The following RUNDC1 variants were observed in gnomAD, a reference collection of about 807,000 sequenced individuals.
RUNDC1 encodes RUN domain containing 1, also known as RUN domain-containing protein 1.
RUNDC1 carries 31 observed loss-of-function variants against 49.3 expected under a neutral mutation model. That is an observed-to-expected ratio of 0.63 (90% CI 0.47 to 0.85). The LOEUF (loss-of-function observed/expected upper bound fraction) is 0.85. RUNDC1 is among the 40% of genes least tolerant of loss of function. The pLI is 0.00. For synonymous variants in RUNDC1, 347 were observed against 348.6 expected, an observed-to-expected ratio of 1.00 and a Z score of 0.05; for missense variants, 715 against 806.7, an observed-to-expected ratio of 0.89 and a Z score of 1.38.
chr17:42,987,551 A>G (rs1317732656), intron 2 of RUNDC1, 137 bp downstream of exon 2: 1 of 749,378 alleles, frequency 1.3e-6, no homozygotes, highest in Non-Finnish European at 2.1e-6. Context: ...ATCAAAGGGA[A>G]ATTTTACTGC....
chr17:42,984,074 A>G (rs2050138189), intron 1 of RUNDC1, among the ~76,000 whole-genome samples: 1 of 151,516 alleles, frequency 6.6e-6, no homozygotes, highest in South Asian at 2.1e-4. Context: ...GGCTCAATCC[A>G]TCCTCCCAGC....
rs2045503323 is a variant in RUNDC1 at position 42,991,962 on chromosome 17, C to G, written c.*246C>G. ...GGGCGCGGTGGCTCACACCTGTAAT[C>G]CCAGCACTTTGGGAGGCCGAGGCGG... On this transcript the variant is annotated 3_prime_UTR_variant, in exon 5 of 5. Coordinates refer to ENST00000361677, the MANE Select transcript of RUNDC1 (RefSeq NM_173079.5). 2.1e-6 allele frequency: 1 copy of G among 469,292 alleles called. No homozygotes were observed. Among genetic ancestry groups the G allele is most frequent in the African/African-American group, 2.0e-5 (1 of 50,932 alleles). The allele number at this position is 469,292 out of a possible 1,614,324, so 29.1% of individuals were successfully genotyped here. A position where few individuals can be genotyped will look rare whatever the true frequency, so the allele number is the denominator to read the frequency against.
chr17:42,988,256 A>ATTT (rs35256791), intron 2 of RUNDC1, among the ~76,000 whole-genome samples: 16 of 146,998 alleles, frequency 1.1e-4, no homozygotes, highest in Middle Eastern at 3.4e-3. Context: ...ACGATATCAG[A>ATTT]TTTTTTTTTT....
chr17:42,985,793 A>G, intron 1 of RUNDC1: 4 of 586,740 alleles, frequency 6.8e-6, no homozygotes, highest in Non-Finnish European at 8.6e-6. Context: ...CCAGTGTTTG[A>G]GAATACGTTG....
chr17:42,980,706 G>C lies in RUNDC1; in HGVS notation c.130G>C (p.Gly44Arg), dbSNP rs759031445. 6.4e-7 allele frequency: 1 copy of C among 1,557,988 alleles called. No individual in the cohort carries two copies. Among genetic ancestry groups the C allele is most frequent in the Non-Finnish European group, 8.7e-7 (1 of 1,155,306 alleles). ...PCEAVRWAPV[G>R]AVAEARPGAT... ...CGAGGCGGTGCGCTGGGCCCCAGTG[G>C]GGGCGGTGGCGGAGGCCCGGCCTGG... The change falls in exon 1 of 5, where the codon GGG becomes CGG. Residue 44 changes from glycine to arginine, a missense_variant. Coordinates refer to ENST00000361677, the MANE Select transcript of RUNDC1 (RefSeq NM_173079.5).
Position 42,980,791 on chromosome 17 carries a change from C to G in RUNDC1, c.215C>G (p.Pro72Arg), listed in dbSNP as rs974858698. 7.1e-7 allele frequency: 1 copy of G among 1,402,332 alleles called. No homozygotes were observed. The highest frequency in any genetic ancestry group is 3.5e-5 in the Admixed American group (1 of 28,252). The allele number at this position is 1,402,332 out of a possible 1,614,324, so 86.9% of individuals were successfully genotyped here. ...AEEPGAAPGS[P>R]PDSPGRTLRR... ...GAGCCTGGCGCGGCCCCGGGCTCCC[C>G]GCCGGATTCGCCGGGCCGGACGCTG... The change falls in exon 1 of 5, where the codon CCG (proline) becomes CGG (arginine). Residue 72 changes from proline to arginine, a missense_variant. By Grantham distance (103) the Pro-to-Arg change is moderately radical. Transcript: ENST00000361677.
Position 42,980,896 on chromosome 17 carries a change from G to T in RUNDC1, c.320G>T (p.Arg107Leu). Residue 107 changes from arginine to leucine, a missense_variant, in exon 1 of 5, where the codon CGC (arginine) becomes CTC (leucine). Arg to Leu is a moderately radical substitution (Grantham distance 102). Coordinates refer to ENST00000361677, the MANE Select transcript of RUNDC1 (RefSeq NM_173079.5). The stretch of plus-strand genomic sequence containing the variant: ...TCGCACTTCGCGCAGGTGCAGTTCC[G>T]CCTGCGCCAGGTGGTGCGCGGGGCG... ...LSSHFAQVQF[R>L]LRQVVRGAPA... is the part of the protein sequence containing the mutation. 6.6e-7 allele frequency: 1 copy of T among 1,525,022 alleles called. No homozygotes were observed. Among genetic ancestry groups the T allele is most frequent in the African/African-American group, 1.4e-5 (1 of 71,836 alleles). The allele number at this position is 1,525,022 out of a possible 1,614,324, so 94.5% of individuals were successfully genotyped here.
In RUNDC1 at chr17:42,991,166, C is replaced by T. The variant is rs367817542; in HGVS notation, c.1292C>T (p.Thr431Met). ...ACTATGGCTGTGCGGAAGGAGCTAA[C>T]GGTGGCTGTGAGGGACCTGCTGGCC... Reference protein sequence around the residue: ...ELTMAVRKELTVAVRDLLAHG... With the variant: ...ELTMAVRKELMVAVRDLLAHG... Residue 431 changes from threonine (T) to methionine (M), a missense_variant, in exon 5 of 5, where the codon ACG becomes ATG. By Grantham distance (81) the Thr-to-Met change is moderately conservative. Around this residue, in one of 5 missense-constraint regions of RUNDC1, gnomAD observed 425 missense variants for 499.7 expected, o/e 0.85. Coordinates refer to ENST00000361677, the MANE Select transcript of RUNDC1 (RefSeq NM_173079.5). The T allele has an allele frequency of 9.9e-6, 16 of 1,614,094 alleles. No homozygotes were observed. In the African/African-American group the frequency reaches 1.1e-4, roughly 11 times the overall value.
At position 42,990,430 on chromosome 17, in the gene RUNDC1, A is replaced by T. The variant is rs1168998443; in HGVS notation, c.970A>T (p.Ser324Cys). 6.2e-7 allele frequency: 1 copy of T among 1,613,754 alleles called. No individual in the cohort carries two copies. Among genetic ancestry groups the T allele is most frequent in the Non-Finnish European group, 8.5e-7 (1 of 1,179,940 alleles). The change falls in exon 4 of 5, where the codon AGC becomes TGC. Residue 324 changes from serine (S) to cysteine (C), a missense_variant. Physicochemically the swap from Ser to Cys is moderately radical, Grantham distance 112 (BLOSUM62 -1). Coordinates refer to ENST00000361677, the MANE Select transcript of RUNDC1 (RefSeq NM_173079.5). ...CAGCAGCAGAACGCCTCCAGGAAAC[A>T]GCAAAAGTAAGTGCAGTTTCCAGAA... is the stretch of plus-strand genomic sequence containing the variant. ...TGSSRTPPGN[S>C]KTKAEDVKKV...
intron 1 of RUNDC1, among the ~76,000 whole-genome samples, chr17:42,982,699 C>T (rs1245861671): frequency 2.0e-5 from 3 of 151,838 alleles, no homozygotes; most frequent in South Asian, 2.1e-4. Context: ...ACTAGCCCAG[C>T]GCAGTGGCTC....
chr17:42,989,467 G>A lies in RUNDC1; in HGVS notation c.784G>A (p.Val262Ile). Residue 262 changes from valine (V) to isoleucine (I), a missense_variant, in exon 3 of 5, where the codon GTC (valine) becomes ATC (isoleucine). Val to Ile is a conservative substitution (Grantham distance 29). Around this residue, in one of 5 missense-constraint regions of RUNDC1, gnomAD observed 425 missense variants for 499.7 expected, o/e 0.85. Transcript: ENST00000361677. ...AVAQIVNPAR[V>I]KEQLVEQLKT... ...GGCTCAGATCGTCAACCCAGCCCGA[G>A]TCAAAGAACAGTTGGTTGAGCAACT... is the stretch of plus-strand genomic sequence containing the variant. 1 of 1,614,130 alleles carries A rather than the reference G, an allele frequency of 6.2e-7. No homozygotes were observed. Among genetic ancestry groups the A allele is most frequent in the Non-Finnish European group, 8.5e-7 (1 of 1,180,030 alleles).
rs1163613092 is a variant in RUNDC1 at position 42,981,050 on chromosome 17, G to A, written c.474G>A (p.Arg158=). 1 of 1,561,738 alleles carries A rather than the reference G, an allele frequency of 6.4e-7. No homozygotes were observed. Among genetic ancestry groups the A allele is most frequent in the South Asian group, 1.2e-5 (1 of 86,468 alleles). The change falls in exon 1 of 5, where the codon CGG becomes CGA. Residue 158 remains arginine (R), a synonymous_variant. Transcript: ENST00000361677. The part of the protein sequence containing the change: ...SDEGDGLPGD[R]PWLRGEDQSE... ...AGGGCGATGGGCTGCCAGGGGACCG[G>A]CCATGGTTGCGGGGCGAGGACCAGG... is the stretch of plus-strand genomic sequence containing the variant.
At position 42,993,185 on chromosome 17, in the gene RUNDC1, C is replaced by G. The variant is rs1167274915; in HGVS notation, c.*1469C>G. ...GATAGGTGCCACAGGAGGATAGGAA[C>G]TACAGCAGATCGCTGTTTCCAGAAC... On this transcript the variant is annotated 3_prime_UTR_variant, in exon 5 of 5. Coordinates refer to ENST00000361677, the MANE Select transcript of RUNDC1 (RefSeq NM_173079.5). The G allele has an allele frequency of 6.6e-6, 1 of 152,176 alleles. No homozygotes were observed. Among genetic ancestry groups the G allele is most frequent in the Non-Finnish European group, 1.5e-5 (1 of 68,038 alleles). The allele number at this position is 152,176 out of a possible 1,614,324, so 9.4% of individuals were successfully genotyped here. A position where few individuals can be genotyped will look rare whatever the true frequency, so the allele number is the denominator to read the frequency against.
At position 42,980,769 on chromosome 17, in the gene RUNDC1, C is replaced by T; in HGVS notation, c.193C>T (p.Pro65Ser). 6.7e-7 allele frequency: 1 copy of T among 1,481,878 alleles called. No individual in the cohort carries two copies. The highest frequency in any genetic ancestry group is 1.5e-5 in the African/African-American group (1 of 68,142). 91.8% of individuals were successfully genotyped at this position (1,481,878 alleles called of 1,614,324 possible). ...AFLEEATAEE[P>S]GAAPGSPPDS... Reference sequence around the variant, plus strand: ...TTTAGAAGAGGCGACGGCCGAGGAGCCTGGCGCGGCCCCGGGCTCCCCGCC... The same window carrying T: ...TTTAGAAGAGGCGACGGCCGAGGAGTCTGGCGCGGCCCCGGGCTCCCCGCC... Residue 65 changes from proline (P) to serine (S), a missense_variant, in exon 1 of 5, where the codon CCT becomes TCT. This residue lies in a region of RUNDC1 where 153 missense variants were observed against 139.4 expected (regional missense o/e 1.10). Coordinates refer to ENST00000361677, the MANE Select transcript of RUNDC1 (RefSeq NM_173079.5).
chr17:42,991,289 C>T lies in RUNDC1; in HGVS notation c.1415C>T (p.Pro472Leu), dbSNP rs760086639. ...TCCTCGGCCCCAGAGGCCATGCACC[C>T]GTGGGAGCTCTTTGTAAAGTACTAC... ...AFSSAPEAMH[P>L]WELFVKYYHA... Residue 472 changes from proline (P) to leucine (L), a missense_variant, in exon 5 of 5, where the codon CCG becomes CTG. Physicochemically the swap from Pro to Leu is moderately conservative, Grantham distance 98 (BLOSUM62 -3). This residue lies in a region of RUNDC1 where 425 missense variants were observed against 499.7 expected (regional missense o/e 0.85). Transcript: ENST00000361677. The T allele has an allele frequency of 3.1e-6, 5 of 1,614,070 alleles. No individual in the cohort carries two copies. The highest frequency in any genetic ancestry group is 2.2e-5 in the East Asian group (1 of 44,888).
chr17:42,986,308 A>C (rs957996039), intron 1 of RUNDC1, among the ~76,000 whole-genome samples: 1 of 151,826 alleles, frequency 6.6e-6, no homozygotes, highest in Non-Finnish European at 1.5e-5. Context: ...GTGGAGATGA[A>C]GTCTCACTGT....
In RUNDC1 at chr17:42,987,351, G is replaced by A. The variant is rs546954301; in HGVS notation, c.594G>A (p.Thr198=). 2 of 1,614,104 alleles carry A rather than the reference G, an allele frequency of 1.2e-6. No individual in the cohort carries two copies. The highest frequency in any genetic ancestry group is 2.2e-5 in the East Asian group (1 of 44,880). The change falls in exon 2 of 5, where the codon ACG becomes ACA. Residue 198 remains threonine (T), a synonymous_variant. Transcript: ENST00000361677. Reference sequence around the variant, plus strand: ...AGACCCAGCTAGATGACCTGGAAACGTTTGCCTATCAAGAGGGCAGTTATG... The same window carrying A: ...AGACCCAGCTAGATGACCTGGAAACATTTGCCTATCAAGAGGGCAGTTATG... ...QLKTQLDDLE[T]FAYQEGSYDS...
Position 42,989,459 on chromosome 17 carries a change from C to T in RUNDC1, c.776C>T (p.Pro259Leu). 1.9e-6 allele frequency: 3 copies of T among 1,613,888 alleles called. No individual in the cohort carries two copies. The highest frequency in any genetic ancestry group is 2.2e-5 in the East Asian group (1 of 44,856). Reference sequence around the variant, plus strand: ...GCAGCAGTGGCTCAGATCGTCAACCCAGCCCGAGTCAAAGAACAGTTGGTT... The same window carrying T: ...GCAGCAGTGGCTCAGATCGTCAACCTAGCCCGAGTCAAAGAACAGTTGGTT... ...VDAAVAQIVNPARVKEQLVEQ... is the reference protein window; with the variant it reads ...VDAAVAQIVNLARVKEQLVEQ... Residue 259 changes from proline (P) to leucine (L), a missense_variant, in exon 3 of 5, where the codon CCA becomes CTA. This residue lies in a region of RUNDC1 where 425 missense variants were observed against 499.7 expected (regional missense o/e 0.85). Transcript: ENST00000361677.
intron 3 of RUNDC1, 70 bp downstream of exon 3, chr17:42,989,609 T>TA: frequency 4.2e-6 from 6 of 1,413,022 alleles, no homozygotes; most frequent in Non-Finnish European, 6.0e-6. Flanking sequence ...TAAGTACTAG[T>TA]AAAAAGGTTC....
Sources: gnomAD v4.1 joint callset for allele counts (sites outside exome capture counted in the v4.1 genomes callset) on GRCh38, gnomAD v4.1.1 for gene constraint, gnomAD v4.1.1 regional missense constraint, MANE v1.5 for transcripts, NCBI Gene and HGNC (gene_info 2026-07-23, HGNC 2026-07-21) for gene names.